MAJIN: variants seen among roughly 807,000 people sequenced by gnomAD.
The protein encoded by MAJIN is membrane-anchored junction protein.
In MAJIN, 27 loss-of-function variants were observed where a neutral mutation model predicts 30.2. The observed-to-expected ratio is 0.89, with a 90% CI of 0.66 to 1.23. MAJIN has a LOEUF of 1.23. Among genes scored for constraint, MAJIN ranks in the 50% most tolerant of loss-of-function variants. The probability of loss-of-function intolerance (pLI) is 0.00; values close to 1 mark genes in which losing one functional copy is unlikely to be tolerated. For missense variants in MAJIN, 253 were observed against 260.3 expected (o/e 0.97, Z 0.19); for synonymous variants, 78 against 91.6 (o/e 0.85, Z 0.85).
chr11:64,961,424 C>T (rs1945721873), intron 1 of MAJIN, among the ~76,000 whole-genome samples: 2 of 151,364 alleles, frequency 1.3e-5, no homozygotes, highest in African/African-American at 2.4e-5. Context: ...GCTTCGTCCT[C>T]CCAAAGTGCT....
chr11:64,962,869 G>A (rs965176549), intron 1 of MAJIN, among the ~76,000 whole-genome samples: 3 of 152,168 alleles, frequency 2.0e-5, no homozygotes, highest in African/African-American at 7.2e-5. Context: ...GCTCACGCCT[G>A]TAATCTCAGC....
chr11:64,963,460 T>C (rs908078567), intron 1 of MAJIN, among the ~76,000 whole-genome samples: 4 of 152,212 alleles, frequency 2.6e-5, no homozygotes, highest in Non-Finnish European at 4.4e-5. Flanking sequence ...TTTAGCACTC[T>C]GCTACTAAAT....
chr11:64,965,944 A>G (rs1565147030), intron 1 of MAJIN, among the ~76,000 whole-genome samples: 1 of 148,244 alleles, frequency 6.7e-6, no homozygotes, highest in Non-Finnish European at 1.5e-5. Flanking sequence ...CAACAGAGCG[A>G]GACTCTGTCT....
intron 1 of MAJIN, 73 bp downstream of exon 1, chr11:64,971,804 G>C (rs1945911536): frequency 6.6e-6 from 1 of 152,412 alleles, no homozygotes; most frequent in South Asian, 2.1e-4. Context: ...AGCCCGGCCC[G>C]GAAACTTCCC....
chr11:64,938,558 A>C lies in MAJIN; in HGVS notation c.*17T>G. On this transcript the variant is annotated 3_prime_UTR_variant, in exon 11 of 11. Coordinates refer to ENST00000301896, the MANE Select transcript of MAJIN (RefSeq NM_001037225.3). Reference sequence around the variant, plus strand: ...GGCTGCTCTTCCTGAAGAAATATCGAAACGGGAAGAGAGAGCTGCAAGAAT... The same window carrying C: ...GGCTGCTCTTCCTGAAGAAATATCGCAACGGGAAGAGAGAGCTGCAAGAAT... 6.5e-7 allele frequency: 1 copy of C among 1,535,918 alleles called. No homozygotes were observed. The highest frequency in any genetic ancestry group is 8.7e-7 in the Non-Finnish European group (1 of 1,146,792).
chr11:64,957,799 C>A (rs775952762), intron 3 of MAJIN, among the ~76,000 whole-genome samples: 26 of 151,936 alleles, frequency 1.7e-4, no homozygotes, highest in Non-Finnish European at 2.6e-4. Context: ...CGGGTTCAAG[C>A]GATTCTCCTG....
At chr11:64,966,204 G>GA (rs2136824690) in intron 1 of MAJIN, among the ~76,000 whole-genome samples, 2 of 134,134 alleles carry the variant, frequency 1.5e-5, no homozygotes, top group African/African-American at 5.4e-5. Flanking sequence ...AAATGATGGA[G>GA]AAAATATCCT....
Position 64,949,751 on chromosome 11 carries a change from A to G in MAJIN, c.341T>C (p.Leu114Pro). 1 of 1,612,984 alleles carries G rather than the reference A, an allele frequency of 6.2e-7. No individual in the cohort carries two copies. Among genetic ancestry groups the G allele is most frequent in the South Asian group, 1.1e-5 (1 of 91,080 alleles). ...YVEMKWFHEN[L>P]SPGKPISDSP... is the part of the protein sequence containing the mutation. ...CACATCATTCCACTTACCAGGTGAC[A>G]GGTTTTCATGGAACCATTTCATCTC... Residue 114 changes from leucine (L) to proline (P), a missense_variant, in exon 6 of 11, where the codon CTG (leucine) becomes CCG (proline). Physicochemically the swap from Leu to Pro is moderately conservative, Grantham distance 98. Transcript: ENST00000301896.
intron 6 of MAJIN, among the ~76,000 whole-genome samples, chr11:64,948,177 T>C (rs1480700784): frequency 6.6e-6 from 1 of 151,998 alleles, no homozygotes; most frequent in Non-Finnish European, 1.5e-5. Context: ...CTGGCTACTA[T>C]TTATTTCTTG....
At chr11:64,943,226 G>A (rs569005178) in intron 8 of MAJIN, among the ~76,000 whole-genome samples, 8 of 152,240 alleles carry the variant, frequency 5.3e-5, no homozygotes, top group South Asian at 4.1e-4. Context: ...AAAATGCGAC[G>A]TGCAGTTACT....
intron 7 of MAJIN, 21 bp downstream of exon 7, chr11:64,947,767 G>A: frequency 6.2e-7 from 1 of 1,610,228 alleles, no homozygotes; most frequent in Non-Finnish European, 8.5e-7. Flanking sequence ...TTTTCATTTT[G>A]TACAGAAAAG....
At chr11:64,941,861 C>A (rs1029002401) in intron 8 of MAJIN, among the ~76,000 whole-genome samples, 2 of 152,058 alleles carry the variant, frequency 1.3e-5, no homozygotes, top group African/African-American at 2.4e-5. Flanking sequence ...GCAGGGCATT[C>A]CAGACAGGGA....
At position 64,961,271 on chromosome 11, in the gene MAJIN, G is replaced by T. The variant is rs529561307; in HGVS notation, c.-64-1136C>A. 4.7e-5 allele frequency among the ~76,000 whole-genome samples: 7 copies of T among 148,592 alleles called. No homozygotes were observed. In the South Asian group the frequency reaches 1.3e-3, roughly 27 times the overall value. On this transcript the variant is annotated intron_variant, in intron 1 of 10. Coordinates refer to ENST00000301896, the MANE Select transcript of MAJIN (RefSeq NM_001037225.3). Reference sequence around the variant, plus strand: ...CAACTTCTGCCTCCCAGGTTCAAGTGATCCTCCTGCCTCAGCCTCCCGAGT... The same window carrying T: ...CAACTTCTGCCTCCCAGGTTCAAGTTATCCTCCTGCCTCAGCCTCCCGAGT...
chr11:64,939,842 C>G, intron 9 of MAJIN, 75 bp from the exon 10 acceptor site: 2 of 1,341,308 alleles, frequency 1.5e-6, no homozygotes, highest in Non-Finnish European at 2.1e-6. Flanking sequence ...AGGCCAAACA[C>G]CCAGTATGAG....
intron 1 of MAJIN, among the ~76,000 whole-genome samples, chr11:64,965,909 C>G (rs1334656204): frequency 6.7e-6 from 1 of 149,382 alleles, no homozygotes; most frequent in African/African-American, 2.5e-5. Flanking sequence ...TGAGCCGAGA[C>G]TACGCCACTG....
At chr11:64,950,643 A>G (rs1945538063) in intron 4 of MAJIN, among the ~76,000 whole-genome samples, 1 of 151,950 alleles carries the variant, frequency 6.6e-6, no homozygotes, top group Non-Finnish European at 1.5e-5. Context: ...GGGCAGTTGC[A>G]TGATCTCTGC....
chr11:64,950,532 G>C (rs1445468674), intron 4 of MAJIN, 102 bp from the exon 5 acceptor site: 1 of 953,134 alleles, frequency 1.0e-6, no homozygotes, highest in Non-Finnish European at 1.6e-6. Flanking sequence ...TATCAAAACT[G>C]AACTATTTGC....
intron 3 of MAJIN, among the ~76,000 whole-genome samples, chr11:64,957,209 G>A (rs1241759083): frequency 6.6e-6 from 1 of 151,894 alleles, no homozygotes; most frequent in Non-Finnish European, 1.5e-5. Flanking sequence ...CTTCCAAGCA[G>A]CTGGGATCAC....
intron 4 of MAJIN, among the ~76,000 whole-genome samples, chr11:64,953,041 T>C (rs1945578684): frequency 6.6e-6 from 1 of 152,100 alleles, no homozygotes; most frequent in Non-Finnish European, 1.5e-5. Context: ...AAGAGAATGA[T>C]AACATCTGAC....
Sources: allele counts gnomAD v4.1 joint callset (sites outside exome capture counted in the v4.1 genomes callset), GRCh38; gene constraint gnomAD v4.1.1; transcripts MANE v1.5; gene names NCBI Gene and HGNC (gene_info 2026-07-23, HGNC 2026-07-21).